Variants in NRXN1 observed in about 807,000 individuals in gnomAD.
The protein encoded by NRXN1 is neurexin 1.
NRXN1 carries 39 observed loss-of-function variants against 150.9 expected under a neutral mutation model. That is an observed-to-expected ratio of 0.26 (90% confidence interval 0.20 to 0.34). The LOEUF is 0.34. Ranked by LOEUF, NRXN1 falls within the 10% of genes least tolerant of loss-of-function variation. NRXN1 has a pLI of 1.00. For missense variants in NRXN1, 1,815 were observed against 1,949.9 expected (o/e 0.93, Z 1.30); for synonymous variants, 924 against 757.0 (o/e 1.22, Z -3.62).
intron 18 of NRXN1, among the ~76,000 whole-genome samples, chr2:50,196,767 T>C (rs896262212): frequency 2.0e-5 from 3 of 152,178 alleles, no homozygotes; most frequent in Admixed American, 6.6e-5. Context: ...GGAATATGGA[T>C]GGAGCTAGAG....
At chr2:50,118,889 T>G (rs184817554) in intron 18 of NRXN1, among the ~76,000 whole-genome samples, 11 of 152,264 alleles carry the variant, frequency 7.2e-5, no homozygotes, top group East Asian at 3.9e-4. Flanking sequence ...TTTTGTTGCA[T>G]GTAAGTTAGA....
chr2:50,093,587 A>G (rs1356503404), intron 18 of NRXN1, among the ~76,000 whole-genome samples: 2 of 152,046 alleles, frequency 1.3e-5, no homozygotes, highest in Non-Finnish European at 2.9e-5. Flanking sequence ...GTGAGCCATG[A>G]CTGTGCACTG....
At chr2:50,964,840 C>G in intron 2 of NRXN1, among the ~76,000 whole-genome samples, 1 of 151,380 alleles carries the variant, frequency 6.6e-6, no homozygotes, top group East Asian at 1.9e-4. Context: ...GAAAACAATT[C>G]CCATTGATGC....
At chr2:50,710,644 T>C (rs1266966255) in intron 5 of NRXN1, among the ~76,000 whole-genome samples, 1 of 152,180 alleles carries the variant, frequency 6.6e-6, no homozygotes, top group Non-Finnish European at 1.5e-5. Flanking sequence ...AGAATAAGCA[T>C]TAAAAAGTGT....
At chr2:50,186,021 T>C (rs17040123) in intron 18 of NRXN1, among the ~76,000 whole-genome samples, 31,553 of 152,000 alleles carry the variant, frequency 0.21, 3,845 homozygotes, top group East Asian at 0.41. Context: ...AGTTAAATAC[T>C]GATTTATAAA....
intron 5 of NRXN1, among the ~76,000 whole-genome samples, chr2:50,766,431 G>T (rs1446201850): frequency 6.6e-6 from 1 of 152,042 alleles, no homozygotes; most frequent in Non-Finnish European, 1.5e-5. Context: ...CTTCTAACAA[G>T]CTCCTCAGTG....
intron 18 of NRXN1, among the ~76,000 whole-genome samples, chr2:50,118,983 T>C (rs1703469361): frequency 6.6e-6 from 1 of 152,142 alleles, no homozygotes; most frequent in African/African-American, 2.4e-5. Flanking sequence ...CTGTCTTTTT[T>C]TTTTTTTCGG....
intron 8 of NRXN1, among the ~76,000 whole-genome samples, chr2:50,606,575 A>G: frequency 6.6e-6 from 1 of 150,512 alleles, no homozygotes; most frequent in African/African-American, 2.4e-5. Context: ...CATATTTGCT[A>G]AGTGGGTAGA....
At chr2:50,032,003 T>C (rs1303087279) in intron 21 of NRXN1, among the ~76,000 whole-genome samples, 13 of 152,078 alleles carry the variant, frequency 8.5e-5, no homozygotes, top group Admixed American at 5.9e-4. Context: ...AATATATCAT[T>C]CTTTGTAACA....
At chr2:50,040,505 A>G (rs970240730) in intron 21 of NRXN1, among the ~76,000 whole-genome samples, 2 of 152,062 alleles carry the variant, frequency 1.3e-5, no homozygotes, top group Non-Finnish European at 2.9e-5. Context: ...AAATAAACAA[A>G]TGGAACATAA....
intron 2 of NRXN1, among the ~76,000 whole-genome samples, chr2:50,985,977 GA>G: frequency 6.6e-6 from 1 of 151,524 alleles, no homozygotes; most frequent in South Asian, 2.1e-4. Flanking sequence ...ACACTACAGA[GA>G]AATTACAGAG....
intron 17 of NRXN1, among the ~76,000 whole-genome samples, chr2:50,279,963 G>GA (rs2071188964): frequency 6.6e-6 from 1 of 152,016 alleles, no homozygotes; most frequent in African/African-American, 2.4e-5. Context: ...CTCCAATTAA[G>GA]AAAAAGTATT....
At chr2:50,978,824 C>T (rs1229827865) in intron 2 of NRXN1, among the ~76,000 whole-genome samples, 1 of 151,996 alleles carries the variant, frequency 6.6e-6, no homozygotes, top group East Asian at 1.9e-4. Context: ...CTTTCATCCC[C>T]GGATGCTTCC....
chr2:50,830,966 G>T (rs1044230353), intron 5 of NRXN1, among the ~76,000 whole-genome samples: 10 of 151,916 alleles, frequency 6.6e-5, no homozygotes, highest in African/African-American at 1.7e-4. Flanking sequence ...ATTTTTGTGG[G>T]CATATAGTAG....
At chr2:50,089,744 T>C (rs1008812155) in intron 19 of NRXN1, among the ~76,000 whole-genome samples, 1 of 150,970 alleles carries the variant, frequency 6.6e-6, no homozygotes, top group Non-Finnish European at 1.5e-5. Flanking sequence ...GAGCTATGAC[T>C]GCCACTACAT....
chr2:50,961,712 G>C (rs1693225408), intron 2 of NRXN1, among the ~76,000 whole-genome samples: 1 of 151,752 alleles, frequency 6.6e-6, no homozygotes. Flanking sequence ...GTCCCTCCAA[G>C]AGTACTCTCT....
chr2:50,934,713 A>C (rs938700963), intron 2 of NRXN1, among the ~76,000 whole-genome samples: 1 of 152,202 alleles, frequency 6.6e-6, no homozygotes, highest in African/African-American at 2.4e-5. Flanking sequence ...AAAAGGAAAT[A>C]ATTAAAATGC....
At chr2:50,696,577 C>T (rs925196183) in intron 5 of NRXN1, among the ~76,000 whole-genome samples, 12 of 152,062 alleles carry the variant, frequency 7.9e-5, no homozygotes, top group African/African-American at 2.9e-4. Flanking sequence ...CTTCCAATGT[C>T]TATTTATTTT....
At chr2:50,327,567 C>A (rs1411713669) in intron 17 of NRXN1, among the ~76,000 whole-genome samples, 1 of 152,158 alleles carries the variant, frequency 6.6e-6, no homozygotes, top group East Asian at 1.9e-4. Context: ...GAAGTCAAAA[C>A]CAAAGAAAAC....
Sources: allele counts gnomAD v4.1 joint callset (sites outside exome capture counted in the v4.1 genomes callset), GRCh38; gene constraint gnomAD v4.1.1; transcripts MANE v1.5; gene names NCBI Gene and HGNC (gene_info 2026-07-23, HGNC 2026-07-21).